Variants in EYS observed in about 807,000 individuals in gnomAD.
EYS encodes protein eyes shut homolog.
In EYS, 250 loss-of-function variants were observed where a neutral mutation model predicts 282.1. The observed-to-expected ratio is 0.89, with a 90% CI of 0.80 to 0.98. The LOEUF (loss-of-function observed/expected upper bound fraction) is 0.98. EYS is among the 50% of genes least tolerant of loss of function. The pLI is 0.00. For missense variants in EYS, 4,016 were observed against 3,709.0 expected, an observed-to-expected ratio of 1.08 and a Z score of -2.15; for synonymous variants, 1,355 against 1,282.9, an observed-to-expected ratio of 1.06 and a Z score of -1.20.
intron 31 of EYS, among the ~76,000 whole-genome samples, chr6:64,211,521 T>C (rs1462510898): frequency 1.3e-5 from 2 of 151,094 alleles, no homozygotes; most frequent in African/African-American, 2.4e-5. Context: ...ATCTACCCTC[T>C]CTTTTCCTTG....
chr6:64,091,857 C>T (rs1772374560), intron 31 of EYS, among the ~76,000 whole-genome samples: 2 of 151,982 alleles, frequency 1.3e-5, no homozygotes, highest in Admixed American at 1.3e-4. Flanking sequence ...CCCATTAATT[C>T]AACATTTACA....
In EYS at chr6:63,984,394, G is replaced by A. The variant is rs369191457; in HGVS notation, c.7044C>T (p.Gly2348=). Residue 2348 remains glycine, a synonymous_variant, in exon 35 of 43, where the codon GGC becomes GGT. Transcript: ENST00000503581. The part of the protein sequence containing the change: ...WCAHHLCRNN[G]TCISDNENLF... ...AGACTAATACTGACCTGATGCAGGT[G>A]CCATTGTTGCGGCACAGATGATGAG... is the stretch of plus-strand genomic sequence containing the variant. 5.8e-5 allele frequency: 89 copies of A among 1,547,210 alleles called. No individual in the cohort carries two copies. In the African/African-American group the frequency reaches 1.1e-3, roughly 19 times the overall value.
At chr6:64,974,285 G>A (rs1770400538) in intron 14 of EYS, among the ~76,000 whole-genome samples, 1 of 151,842 alleles carries the variant, frequency 6.6e-6, no homozygotes, top group Non-Finnish European at 1.5e-5. Context: ...AGACTATTGG[G>A]TTAACTTACA....
chr6:65,643,822 A>G (rs1767365307), intron 1 of EYS, among the ~76,000 whole-genome samples: 1 of 151,888 alleles, frequency 6.6e-6, no homozygotes, highest in Admixed American at 6.6e-5. Flanking sequence ...AGCGAAAACA[A>G]TCACTGAAGT....
chr6:64,951,419 T>C (rs9345571), intron 14 of EYS, among the ~76,000 whole-genome samples: 10,218 of 152,030 alleles, frequency 0.067, 438 homozygotes, highest in East Asian at 0.13. Context: ...TAAAAAATCC[T>C]CTTTGGAAGA....
intron 26 of EYS, among the ~76,000 whole-genome samples, chr6:64,548,963 C>G (rs921377491): frequency 1.2e-4 from 19 of 152,172 alleles, no homozygotes; most frequent in Admixed American, 3.9e-4. Context: ...GGAACAGCGT[C>G]TACAGTGCTC....
At chr6:64,278,095 A>T (rs1768175128) in intron 30 of EYS, among the ~76,000 whole-genome samples, 1 of 152,166 alleles carries the variant, frequency 6.6e-6, no homozygotes, top group African/African-American at 2.4e-5. Context: ...GTTCAGCATT[A>T]TAGCTCTTAC....
chr6:64,861,759 C>T (rs1318231090), intron 19 of EYS, among the ~76,000 whole-genome samples: 1 of 152,210 alleles, frequency 6.6e-6, no homozygotes, highest in Non-Finnish European at 1.5e-5. Context: ...ATTCATTTCA[C>T]TTATCCACAA....
At chr6:65,468,010 CCT>C (rs1428162650) in intron 5 of EYS, among the ~76,000 whole-genome samples, 8 of 152,146 alleles carry the variant, frequency 5.3e-5, no homozygotes, top group African/African-American at 1.9e-4. Flanking sequence ...ACTCCAATGC[CCT>C]GTTTGCTCCT....
At chr6:64,147,444 T>A (rs1175432159) in intron 31 of EYS, among the ~76,000 whole-genome samples, 2 of 152,184 alleles carry the variant, frequency 1.3e-5, no homozygotes, top group Non-Finnish European at 2.9e-5. Flanking sequence ...TATATTTGGC[T>A]TCAGCTGTAG....
chr6:65,511,166 T>C (rs1462408700), intron 2 of EYS, among the ~76,000 whole-genome samples: 1 of 152,192 alleles, frequency 6.6e-6, no homozygotes, highest in Non-Finnish European at 1.5e-5. Context: ...ACATTATACA[T>C]GACATTACTT....
chr6:64,622,337 A>C (rs1343582057), intron 23 of EYS, among the ~76,000 whole-genome samples: 3 of 152,116 alleles, frequency 2.0e-5, no homozygotes, highest in Admixed American at 6.6e-5. Context: ...CTTTTTCAAT[A>C]TGTGCTGAAC....
chr6:64,612,844 G>A (rs1472487626), intron 24 of EYS, among the ~76,000 whole-genome samples: 4 of 151,962 alleles, frequency 2.6e-5, no homozygotes, highest in Non-Finnish European at 5.9e-5. Flanking sequence ...CCTAATTAGT[G>A]AAACTTTTAA....
intron 18 of EYS, among the ~76,000 whole-genome samples, chr6:64,900,298 T>C (rs1490306525): frequency 6.6e-6 from 1 of 152,078 alleles, no homozygotes; most frequent in Non-Finnish European, 1.5e-5. Context: ...ACCTAGGCAA[T>C]ATCATTCAGG....
chr6:64,391,210 T>C (rs1445442569), intron 28 of EYS, among the ~76,000 whole-genome samples: 1 of 151,774 alleles, frequency 6.6e-6, no homozygotes, highest in Non-Finnish European at 1.5e-5. Context: ...TGCAGGATAT[T>C]ATCCAGGAGA....
intron 31 of EYS, among the ~76,000 whole-genome samples, chr6:64,151,325 A>ATATATATATATATT (rs1352388179): frequency 6.4e-5 from 5 of 78,628 alleles, no homozygotes; most frequent in South Asian, 3.4e-4. Context: ...ATTTATATAT[A>ATATATATATATATT]TATATATATA....
At chr6:64,575,887 G>A (rs1765864701) in intron 26 of EYS, among the ~76,000 whole-genome samples, 1 of 152,080 alleles carries the variant, frequency 6.6e-6, no homozygotes, top group Non-Finnish European at 1.5e-5. Flanking sequence ...AGGTGGCACT[G>A]TGACAGCAAT....
intron 35 of EYS, among the ~76,000 whole-genome samples, chr6:63,937,345 C>CTTTTTTTTTTTT (rs778809745): frequency 2.4e-4 from 13 of 54,478 alleles, no homozygotes; most frequent in Non-Finnish European, 4.2e-4. Context: ...TCTCTCTTTT[C>CTTTTTTTTTTTT]TTTTTTTTTT....
chr6:64,297,498 G>C (rs1769073491), intron 30 of EYS, among the ~76,000 whole-genome samples: 1 of 152,134 alleles, frequency 6.6e-6, no homozygotes, highest in South Asian at 2.1e-4. Flanking sequence ...GAAAACTAAA[G>C]ACGAAGTGAA....
Sources: gnomAD v4.1 joint callset for allele counts (sites outside exome capture counted in the v4.1 genomes callset) on GRCh38, gnomAD v4.1.1 for gene constraint, MANE v1.5 for transcripts, NCBI Gene and HGNC (gene_info 2026-07-23, HGNC 2026-07-21) for gene names.